Variants in NELL1 observed in about 807,000 individuals in gnomAD.
NELL1 encodes the protein protein kinase C-binding protein NELL1.
NELL1 carries 76 observed loss-of-function variants against 107.4 expected under a neutral mutation model. The ratio of observed to expected loss-of-function variants is 0.71; its 90% CI spans 0.59 to 0.86. NELL1 has a LOEUF of 0.86. NELL1 is among the 40% of genes least tolerant of loss of function. The pLI is 0.00. For synonymous variants in NELL1, 353 were observed against 341.2 expected, an observed-to-expected ratio of 1.03 and a Z score of -0.38; for missense variants, 1,024 against 1,005.5, an observed-to-expected ratio of 1.02 and a Z score of -0.25.
At chr11:20,835,007 C>G (rs112534943) in intron 3 of NELL1, among the ~76,000 whole-genome samples, 1,809 of 152,288 alleles carry the variant, frequency 0.012, 41 homozygotes, top group African/African-American at 0.041. Context: ...CTCCTCTGAT[C>G]TGTTTGTGTA....
At chr11:21,381,912 T>C (rs1018199266) in intron 15 of NELL1, among the ~76,000 whole-genome samples, 1 of 54,344 alleles carries the variant, frequency 1.8e-5, no homozygotes, top group South Asian at 6.1e-4. Context: ...GGATTTTTTT[T>C]TTTTTTTTTT....
rs146409952 is a variant in NELL1 at position 21,320,544 on chromosome 11, C to T, written c.1550-50309C>T. Among the ~76,000 whole-genome samples the T allele has an allele frequency of 2.0e-3, 312 of 152,196 alleles. 1 individual carries two copies. The highest frequency in any genetic ancestry group is 7.3e-3 in the African/African-American group (302 of 41,550). On this transcript the variant is annotated intron_variant, in intron 14 of 19. Coordinates refer to ENST00000357134, the MANE Select transcript of NELL1 (RefSeq NM_006157.5). ...TATGTTATCTTGTCCTCACAATGCC[C>T]CTGAAAAGTGGATGGTGTGATTCCT...
chr11:21,326,841 T>C lies in NELL1; in HGVS notation c.1550-44012T>C, dbSNP rs562466614. Reference sequence around the variant, plus strand: ...ATGCAGACTGAATATCTCTGTCTTATGATTGGATGGTTAATCTATTTGCAT... The same window carrying C: ...ATGCAGACTGAATATCTCTGTCTTACGATTGGATGGTTAATCTATTTGCAT... On this transcript the variant is annotated intron_variant, in intron 14 of 19. Coordinates refer to ENST00000357134, the MANE Select transcript of NELL1 (RefSeq NM_006157.5). Among the ~76,000 whole-genome samples the C allele has an allele frequency of 5.3e-5, 8 of 152,318 alleles. No individual in the cohort carries two copies. The East Asian group carries it at 1.5e-3, about 29-fold the overall frequency.
chr11:21,100,683 G>A (rs1854783302), intron 12 of NELL1, among the ~76,000 whole-genome samples: 1 of 152,112 alleles, frequency 6.6e-6, no homozygotes, highest in South Asian at 2.1e-4. Context: ...CAGCCAAAAG[G>A]TGGCTTGTTC....
intron 14 of NELL1, among the ~76,000 whole-genome samples, chr11:21,323,085 A>G (rs1244543142): frequency 1.3e-5 from 2 of 152,164 alleles, no homozygotes; most frequent in African/African-American, 4.8e-5. Context: ...GGAGAGAAAA[A>G]ATAATCACCC....
intron 2 of NELL1, among the ~76,000 whole-genome samples, chr11:20,687,680 C>G (rs1854341682): frequency 1.3e-5 from 2 of 152,010 alleles, no homozygotes; most frequent in South Asian, 4.2e-4. Context: ...CAACCTCCGC[C>G]TCCTGGGTTC....
intron 16 of NELL1, among the ~76,000 whole-genome samples, chr11:21,546,754 T>C (rs1406378887): frequency 6.6e-6 from 1 of 152,048 alleles, no homozygotes; most frequent in Non-Finnish European, 1.5e-5. Context: ...ATTAGTGGCA[T>C]GAAAATGGAC....
At chr11:20,871,043 A>G (rs12273709) in intron 4 of NELL1, among the ~76,000 whole-genome samples, 20,869 of 152,232 alleles carry the variant, frequency 0.14, 1,871 homozygotes, top group African/African-American at 0.25. Context: ...GCTGAGAGAA[A>G]GAGTAAAAAA....
intron 12 of NELL1, among the ~76,000 whole-genome samples, chr11:21,013,626 C>G (rs962454458): frequency 4.6e-5 from 7 of 152,078 alleles, no homozygotes; most frequent in African/African-American, 1.7e-4. Context: ...GTTTCAGAGT[C>G]ACAGAAAAAT....
At chr11:21,248,637 G>A (rs191314044) in intron 14 of NELL1, among the ~76,000 whole-genome samples, 1 of 152,222 alleles carries the variant, frequency 6.6e-6, no homozygotes, top group East Asian at 1.9e-4. Context: ...TGGAGAATAG[G>A]ACATCTGTTA....
At chr11:21,414,123 T>C (rs61241281) in intron 15 of NELL1, among the ~76,000 whole-genome samples, 339 of 152,172 alleles carry the variant, frequency 2.2e-3, no homozygotes, top group African/African-American at 7.4e-3. Flanking sequence ...GCTAATTACA[T>C]GTCTAATGAG....
At chr11:21,383,574 T>A (rs1430404058) in intron 15 of NELL1, among the ~76,000 whole-genome samples, 1 of 151,580 alleles carries the variant, frequency 6.6e-6, no homozygotes, top group Non-Finnish European at 1.5e-5. Context: ...CTAAACTACT[T>A]CAAGTCACTG....
intron 12 of NELL1, among the ~76,000 whole-genome samples, chr11:21,040,101 CT>C (rs905118268): frequency 2.9e-4 from 43 of 150,198 alleles, no homozygotes; most frequent in Non-Finnish European, 4.3e-4. Flanking sequence ...TTTTTCCCGG[CT>C]TTTTTTTTCT....
intron 12 of NELL1, among the ~76,000 whole-genome samples, chr11:21,097,356 G>A (rs1172013100): frequency 6.6e-6 from 1 of 152,180 alleles, no homozygotes; most frequent in Non-Finnish European, 1.5e-5. Flanking sequence ...TTCTGCAGAA[G>A]GGTGCCACTC....
chr11:21,571,052 T>C, intron 18 of NELL1, 112 bp downstream of exon 18: 1 of 866,126 alleles, frequency 1.2e-6, no homozygotes, highest in Non-Finnish European at 1.8e-6. Flanking sequence ...CAGGGAGCTC[T>C]GTGGGGCCTG....
intron 4 of NELL1, among the ~76,000 whole-genome samples, chr11:20,851,200 A>G (rs1848788959): frequency 6.6e-6 from 1 of 152,230 alleles, no homozygotes; most frequent in Admixed American, 6.5e-5. Context: ...AGGATTTCGC[A>G]CATTATTTTT....
At chr11:21,240,489 A>G (rs1009113819) in intron 14 of NELL1, among the ~76,000 whole-genome samples, 6 of 151,982 alleles carry the variant, frequency 3.9e-5, no homozygotes, top group African/African-American at 1.2e-4. Flanking sequence ...TCTTTGAAAA[A>G]TATGTCTCAA....
At chr11:21,342,120 GA>G (rs1229156125) in intron 14 of NELL1, among the ~76,000 whole-genome samples, 4 of 152,282 alleles carry the variant, frequency 2.6e-5, no homozygotes, top group Non-Finnish European at 5.9e-5. Flanking sequence ...CTGGGTGAGA[GA>G]AGGTATATAA....
intron 14 of NELL1, among the ~76,000 whole-genome samples, chr11:21,338,267 C>A (rs187169316): frequency 2.0e-3 from 300 of 152,316 alleles, no homozygotes; most frequent in African/African-American, 6.9e-3. Context: ...AATCAGAGCA[C>A]TGTGAGCACA....
Sources: gnomAD v4.1 joint callset for allele counts (sites outside exome capture counted in the v4.1 genomes callset) on GRCh38, gnomAD v4.1.1 for gene constraint, MANE v1.5 for transcripts, NCBI Gene and HGNC (gene_info 2026-07-23, HGNC 2026-07-21) for gene names.